The following SPZ1 variants were observed in gnomAD, a reference collection of about 807,000 sequenced individuals.
The protein encoded by SPZ1 is spermatogenic leucine zipper protein 1.
For missense variants in SPZ1, 408 were observed against 486.2 expected (o/e 0.84, Z 1.51); for synonymous variants, 160 against 167.6 (o/e 0.95, Z 0.35).
Position 80,320,400 on chromosome 5 carries a change from A to G in SPZ1, c.185A>G (p.Glu62Gly), listed in dbSNP as rs745971314. 3.4e-5 allele frequency: 55 copies of G among 1,614,054 alleles called. No homozygotes were observed. The highest frequency in any genetic ancestry group is 4.5e-5 in the Non-Finnish European group (53 of 1,180,034). Residue 62 changes from glutamate (E) to glycine (G), a missense_variant, in exon 1 of 1, where the codon GAA becomes GGA. Glu to Gly is a moderately conservative substitution (Grantham distance 98). Transcript: ENST00000296739. ...FLKNSSHQVT[E>G]QQTAQKFNNL... ...AAGAATAGCAGCCATCAAGTTACAG[A>G]ACAACAGACTGCACAGAAGTTTAAC...
chr5:80,320,844 T>A lies in SPZ1; in HGVS notation c.629T>A (p.Leu210Ter). The A allele has an allele frequency of 6.2e-7, 1 of 1,614,076 alleles. No homozygotes were observed. The highest frequency in any genetic ancestry group is 2.2e-5 in the East Asian group (1 of 44,862). Residue 210 changes from leucine to a stop codon, truncating the protein, a stop_gained, in exon 2 of 2, where the codon TTG becomes TAG. Coordinates refer to the SPZ1 transcript ENST00000511881. LOFTEE classifies it low-confidence loss of function (END_TRUNC). ...ACCGCACAAGTTTTTGCAAGAGATT[T>A]GGTAAATCGTTTAGAAGAAAAAAAA...
At position 80,321,164 on chromosome 5, in the gene SPZ1, T is replaced by C; in HGVS notation, c.949T>C (p.Leu317=). 3.7e-6 allele frequency: 6 copies of C among 1,614,008 alleles called. No homozygotes were observed. Among genetic ancestry groups the C allele is most frequent in the Non-Finnish European group, 5.1e-6 (6 of 1,180,000 alleles). The change falls in exon 1 of 1, where the codon TTG becomes CTG. Residue 317 remains leucine, a synonymous_variant. Coordinates refer to ENST00000296739, the MANE Select transcript of SPZ1 (RefSeq NM_032567.4). The stretch of plus-strand genomic sequence containing the variant: ...GAAACTGAGCCATGACACCTATTCA[T>C]TGCAGTTGATGGCAGCTTTGCTAGA... ...VKKLSHDTYS[L]QLMAALLENE...
At position 80,321,670 on chromosome 5, in the gene SPZ1, C is replaced by A; in HGVS notation, c.*162C>A. ...TTGACACTTATATTACTCATTACTTCAGCAGTTATGTAAGTCTGGTCTTTA... is the reference window on the plus strand; with the variant it reads ...TTGACACTTATATTACTCATTACTTAAGCAGTTATGTAAGTCTGGTCTTTA... On this transcript the variant is annotated 3_prime_UTR_variant, in exon 1 of 1. Transcript: ENST00000296739. The A allele has an allele frequency of 3.8e-6, 2 of 529,858 alleles. No individual in the cohort carries two copies. Among genetic ancestry groups the A allele is most frequent in the Non-Finnish European group, 6.7e-6 (2 of 300,240 alleles). 32.8% of individuals were successfully genotyped at this position (529,858 alleles called of 1,614,324 possible). A position where few individuals can be genotyped will look rare whatever the true frequency, so the allele number is the denominator to read the frequency against.
Position 80,320,273 on chromosome 5 carries a change from A to G in SPZ1, c.58A>G (p.Thr20Ala). Residue 20 changes from threonine (T) to alanine (A), a missense_variant, in exon 1 of 1, where the codon ACT becomes GCT. Transcript: ENST00000296739. Reference protein sequence around the residue: ...MPTISKTVNPTPDPHQEYLDP... With the variant: ...MPTISKTVNPAPDPHQEYLDP... ...CACCATCTCCAAAACCGTTAACCCTACTCCTGATCCTCATCAAGAATATCT... is the reference window on the plus strand; with the variant it reads ...CACCATCTCCAAAACCGTTAACCCTGCTCCTGATCCTCATCAAGAATATCT... The G allele has an allele frequency of 6.2e-7, 1 of 1,613,116 alleles. No individual in the cohort carries two copies.
In SPZ1 at chr5:80,320,493, C is replaced by CA; in HGVS notation, c.282dup (p.Glu95ArgfsTer4). On this transcript the variant is annotated frameshift_variant, in exon 2 of 2. Coordinates refer to the SPZ1 transcript ENST00000511881. LOFTEE classifies it low-confidence loss of function (END_TRUNC). ...GGTTTTGAAGAGAAGATCACAGAAG[C>CA]AAAAGAACTTTTTGAGGAAACCAAT... is the stretch of plus-strand genomic sequence containing the variant. 6.2e-7 allele frequency: 1 copy of CA among 1,613,890 alleles called. No homozygotes were observed. Among genetic ancestry groups the CA allele is most frequent in the South Asian group, 1.1e-5 (1 of 90,956 alleles).
Position 80,321,660 on chromosome 5 carries a change from C to CCTG in SPZ1, c.*152_*153insCTG. On this transcript the variant is annotated 3_prime_UTR_variant, in exon 1 of 1. Transcript: ENST00000296739. ...AATAAGGAGATTGACACTTATATTA[C>CCTG]TCATTACTTCAGCAGTTATGTAAGT... The CCTG allele has an allele frequency of 1.8e-6, 1 of 555,868 alleles. No homozygotes were observed. The highest frequency in any genetic ancestry group is 3.2e-6 in the Non-Finnish European group (1 of 317,114). 34.4% of individuals were successfully genotyped at this position (555,868 alleles called of 1,614,324 possible). A position where few individuals can be genotyped will look rare whatever the true frequency, so the allele number is the denominator to read the frequency against.
chr5:80,320,905 A>G lies in SPZ1; in HGVS notation c.690A>G (p.Ala230=), dbSNP rs1326562040. 6.2e-7 allele frequency: 1 copy of G among 1,608,828 alleles called. No homozygotes were observed. Among genetic ancestry groups the G allele is most frequent in the South Asian group, 1.1e-5 (1 of 89,332 alleles). Residue 230 remains alanine (A), a synonymous_variant, in exon 1 of 1, where the codon GCA becomes GCG. Coordinates refer to ENST00000296739, the MANE Select transcript of SPZ1 (RefSeq NM_032567.4). ...LNETQQSQEK[A]KNRLNVQEET... ...AAACTCAACAAAGTCAGGAAAAAGCAAAAAACAGACTTAATGTTCAAGAAG... is the reference window on the plus strand; with the variant it reads ...AAACTCAACAAAGTCAGGAAAAAGCGAAAAACAGACTTAATGTTCAAGAAG...
chr5:80,320,416 G>A lies in SPZ1; in HGVS notation c.201G>A (p.Gln67=). ...AAGTTACAGAACAACAGACTGCACA[G>A]AAGTTTAACAATCTCTTAAAAGAAA... ...SHQVTEQQTA[Q]KFNNLLKEIK... The change falls in exon 1 of 1, where the codon CAG becomes CAA. Residue 67 remains glutamine, a synonymous_variant. Transcript: ENST00000296739. The A allele has an allele frequency of 1.2e-6, 2 of 1,613,730 alleles. No individual in the cohort carries two copies. Among genetic ancestry groups the A allele is most frequent in the Non-Finnish European group, 1.7e-6 (2 of 1,179,974 alleles).
chr5:80,320,713 A>G lies in SPZ1; in HGVS notation c.498A>G (p.Lys166=). 1 of 1,133,470 alleles carries G rather than the reference A, an allele frequency of 8.8e-7. No homozygotes were observed. The highest frequency in any genetic ancestry group is 1.3e-6 in the Non-Finnish European group (1 of 752,784). 70.2% of individuals were successfully genotyped at this position (1,133,470 alleles called of 1,614,324 possible). The change falls in exon 1 of 1, where the codon AAA becomes AAG. Residue 166 remains lysine (K), a synonymous_variant. Coordinates refer to ENST00000296739, the MANE Select transcript of SPZ1 (RefSeq NM_032567.4). ...AAGAAAATATCAGAGGACTTGACAA[A>G]ATCAATGAAATGTTATCAACAAACC... ...AHKENIRGLD[K]INEMLSTNLP...
At position 80,320,165 on chromosome 5, in the gene SPZ1, T is replaced by C. The variant is rs774511505; in HGVS notation, c.-51T>C. ...CCACCCACATTTGCACAAAGGACCATCACCTGTCCTTCCTGGAATCTCTAA... is the reference window on the plus strand; with the variant it reads ...CCACCCACATTTGCACAAAGGACCACCACCTGTCCTTCCTGGAATCTCTAA... On this transcript the variant is annotated 5_prime_UTR_variant, in exon 1 of 1. Coordinates refer to ENST00000296739, the MANE Select transcript of SPZ1 (RefSeq NM_032567.4). 16 of 1,408,244 alleles carry C rather than the reference T, an allele frequency of 1.1e-5. No individual in the cohort carries two copies. Among genetic ancestry groups the C allele is most frequent in the Non-Finnish European group, 1.4e-5 (14 of 1,027,604 alleles). The allele number at this position is 1,408,244 out of a possible 1,614,324, so 87.2% of individuals were successfully genotyped here.
chr5:80,320,087 C>G lies in SPZ1; in HGVS notation c.-129C>G. Reference sequence around the variant, plus strand: ...CCACCTTCCACCTAAACATCATCTCCCAAATTTTAATCCTTAACTTTGGTC... The same window carrying G: ...CCACCTTCCACCTAAACATCATCTCGCAAATTTTAATCCTTAACTTTGGTC... On this transcript the variant is annotated 5_prime_UTR_variant, in exon 1 of 1. Transcript: ENST00000296739. 2 of 750,308 alleles carry G rather than the reference C, an allele frequency of 2.7e-6. No homozygotes were observed. Among genetic ancestry groups the G allele is most frequent in the Non-Finnish European group, 4.3e-6 (2 of 470,118 alleles). The allele number at this position is 750,308 out of a possible 1,614,324, so 46.5% of individuals were successfully genotyped here.
rs543170699 is a variant in SPZ1, at chr5:80,320,904, C to CA, written c.695dup (p.Asn232LysfsTer?). ...GAAACTCAACAAAGTCAGGAAAAAG[C>CA]AAAAAACAGACTTAATGTTCAAGAA... On this transcript the variant is annotated frameshift_variant, in exon 2 of 2. Coordinates refer to the SPZ1 transcript ENST00000511881. LOFTEE classifies it low-confidence loss of function (END_TRUNC). The CA allele has an allele frequency of 3.9e-4, 622 of 1,605,960 alleles. 2 individuals carry two copies. In the African/African-American group the frequency reaches 6.8e-3, roughly 18 times the overall value.
chr5:80,321,477 G>GA, downstream of SPZ1: 3 of 1,584,862 alleles, frequency 1.9e-6, no homozygotes, highest in Non-Finnish European at 8.5e-7. Context: ...GCTCTTAGGG[G>GA]AAAAATGAGG....
At position 80,321,343 on chromosome 5, in the gene SPZ1, TAAGCAG is replaced by T; in HGVS notation, c.1131_1136del (p.Lys377_Gln378del). ...CAGAAGCAAAGAAAGTAGAAATGTA[TAAGCAG>T]AACAAGCAAGCAATGAAGGGTACAT... is the stretch of plus-strand genomic sequence containing the variant. On this transcript the variant is annotated inframe_deletion, in exon 1 of 1. Coordinates refer to ENST00000296739, the MANE Select transcript of SPZ1 (RefSeq NM_032567.4). 1 of 1,613,284 alleles carries T rather than the reference TAAGCAG, an allele frequency of 6.2e-7. No homozygotes were observed. Among genetic ancestry groups the T allele is most frequent in the South Asian group, 1.1e-5 (1 of 90,850 alleles).
Position 80,320,377 on chromosome 5 carries a change from G to T in SPZ1, c.162G>T (p.Lys54Asn). ...PSSWGSLPFL[K>N]NSSHQVTEQQ... is the part of the protein sequence containing the mutation. ...CCTGGGGCTCTCTCCCTTTCCTAAAGAATAGCAGCCATCAAGTTACAGAAC... is the reference window on the plus strand; with the variant it reads ...CCTGGGGCTCTCTCCCTTTCCTAAATAATAGCAGCCATCAAGTTACAGAAC... The change falls in exon 1 of 1, where the codon AAG (lysine) becomes AAT (asparagine). Residue 54 changes from lysine to asparagine, a missense_variant. Physicochemically the swap from Lys to Asn is moderately conservative, Grantham distance 94 (BLOSUM62 0). Transcript: ENST00000296739. 1 of 1,614,062 alleles carries T rather than the reference G, an allele frequency of 6.2e-7. No individual in the cohort carries two copies. Among genetic ancestry groups the T allele is most frequent in the Non-Finnish European group, 8.5e-7 (1 of 1,180,024 alleles).
rs375261534 is a variant in SPZ1 at position 80,321,215 on chromosome 5, A to G, written c.1000A>G (p.Arg334Gly). ...GAATGAATGCCAAATCTTACAGCAG[A>G]GAGTAGAGATTCTCAAGGAACTCCA... ...LENECQILQQ[R>G]VEILKELHHQ... Residue 334 changes from arginine (R) to glycine (G), a missense_variant, in exon 1 of 1, where the codon AGA (arginine) becomes GGA (glycine). Arg to Gly is a moderately radical substitution (Grantham distance 125). Coordinates refer to ENST00000296739, the MANE Select transcript of SPZ1 (RefSeq NM_032567.4). The G allele has an allele frequency of 1.3e-5, 21 of 1,613,914 alleles. 1 individual carries two copies. The highest frequency in any genetic ancestry group is 1.1e-4 in the East Asian group (5 of 44,894).
At position 80,320,629 on chromosome 5, in the gene SPZ1, T is replaced by G. The variant is rs770646083; in HGVS notation, c.414T>G (p.Asn138Lys). ...PVSLAPEKED[N>K]EKKQEMILET... is the part of the protein sequence containing the mutation. Reference sequence around the variant, plus strand: ...GTTTAGCCCCAGAGAAAGAAGACAATGAAAAGAAACAGGAGATGATATTGG... The same window carrying G: ...GTTTAGCCCCAGAGAAAGAAGACAAGGAAAAGAAACAGGAGATGATATTGG... Residue 138 changes from asparagine to lysine, a missense_variant, in exon 1 of 1, where the codon AAT becomes AAG. Coordinates refer to ENST00000296739, the MANE Select transcript of SPZ1 (RefSeq NM_032567.4). 1 of 1,611,904 alleles carries G rather than the reference T, an allele frequency of 6.2e-7. No homozygotes were observed. The highest frequency in any genetic ancestry group is 1.3e-5 in the African/African-American group (1 of 74,142).
rs1743548030 is a variant in SPZ1 at position 80,321,187 on chromosome 5, A to G, written c.972A>G (p.Leu324=). 2 of 1,614,072 alleles carry G rather than the reference A, an allele frequency of 1.2e-6. No homozygotes were observed. Among genetic ancestry groups the G allele is most frequent in the South Asian group, 1.1e-5 (1 of 91,080 alleles). ...CATTGCAGTTGATGGCAGCTTTGCT[A>G]GAGAATGAATGCCAAATCTTACAGC... is the stretch of plus-strand genomic sequence containing the variant. ...TYSLQLMAAL[L]ENECQILQQR... The change falls in exon 1 of 1, where the codon CTA becomes CTG. Residue 324 remains leucine, a synonymous_variant. Transcript: ENST00000296739.
At position 80,321,526 on chromosome 5, in the gene SPZ1, TGA is replaced by T; in HGVS notation, c.*19_*20del. 1 of 1,535,812 alleles carries T rather than the reference TGA, an allele frequency of 6.5e-7. No homozygotes were observed. The highest frequency in any genetic ancestry group is 8.7e-7 in the Non-Finnish European group (1 of 1,145,892). ...TAAGATAGAAAATACCAAAAGCAGA[TGA>T]AAAGGTGAATCCTTAAAAAACTACA... On this transcript the variant is annotated 3_prime_UTR_variant, in exon 1 of 1. Coordinates refer to ENST00000296739, the MANE Select transcript of SPZ1 (RefSeq NM_032567.4).
Sources: gnomAD v4.1 joint callset for allele counts on GRCh38, gnomAD v4.1.1 for gene constraint, MANE v1.5 for transcripts, NCBI Gene and HGNC (gene_info 2026-07-23, HGNC 2026-07-21) for gene names.